Variants in PEMT observed in about 807,000 individuals in gnomAD.
PEMT encodes the protein phospholipid methyltransferase.
A neutral mutation model predicts 27.4 loss-of-function variants in PEMT; 23 were observed. The observed-to-expected ratio is 0.84, with a 90% CI of 0.60 to 1.19. The LOEUF (loss-of-function observed/expected upper bound fraction) is 1.19. PEMT is among the 50% of genes most tolerant of loss of function. The pLI is 0.00. For synonymous variants in PEMT, 137 were observed against 139.1 expected (o/e 0.98, Z 0.11); for missense variants, 307 against 310.1 (o/e 0.99, Z 0.07).
intron 2 of PEMT, among the ~76,000 whole-genome samples, chr17:17,571,841 C>T (rs970190048): frequency 2.0e-5 from 3 of 152,082 alleles, no homozygotes; most frequent in Non-Finnish European, 4.4e-5. Flanking sequence ...TCCCAGTAGC[C>T]GGTGCTCACC....
chr17:17,548,709 T>C (rs1909432517), intron 2 of PEMT, among the ~76,000 whole-genome samples: 1 of 152,238 alleles, frequency 6.6e-6, no homozygotes, highest in South Asian at 2.1e-4. Flanking sequence ...CCACCACGCC[T>C]GGCTAAGTTT....
At chr17:17,571,685 C>T (rs976107594) in intron 2 of PEMT, among the ~76,000 whole-genome samples, 9 of 151,668 alleles carry the variant, frequency 5.9e-5, no homozygotes, top group Non-Finnish European at 7.4e-5. Context: ...GGAGTCCAGA[C>T]TCACACACAG....
chr17:17,522,175 T>C, intron 3 of PEMT, 105 bp downstream of exon 3: 1 of 784,876 alleles, frequency 1.3e-6, no homozygotes, highest in South Asian at 1.6e-5. Context: ...AACCCCTGAG[T>C]GCTCAGACAC....
At chr17:17,591,937 C>G (rs2142774108), upstream of PEMT, 2 of 985,460 alleles carry the variant, frequency 2.0e-6, no homozygotes, top group South Asian at 4.7e-5. Context: ...CCTTTGGTCG[C>G]CGGCTGCCGC....
chr17:17,553,629 G>C (rs1348411538), intron 2 of PEMT, among the ~76,000 whole-genome samples: 1 of 152,164 alleles, frequency 6.6e-6, no homozygotes, highest in African/African-American at 2.4e-5. Flanking sequence ...GCACTAACCT[G>C]ACCCAGCACC....
chr17:17,591,051 C>T (rs1280946258), intron 1 of PEMT, among the ~76,000 whole-genome samples: 8 of 152,186 alleles, frequency 5.3e-5, no homozygotes, highest in African/African-American at 1.9e-4. Context: ...CCTCCTGACC[C>T]TGGGGGATGG....
chr17:17,522,526 G>C, intron 2 of PEMT, 131 bp from the exon 3 acceptor site: 1 of 660,122 alleles, frequency 1.5e-6, no homozygotes, highest in East Asian at 2.7e-5. Flanking sequence ...AATTACACGG[G>C]AGCAACAACC....
intron 1 of PEMT, among the ~76,000 whole-genome samples, chr17:17,577,737 G>A (rs1911710211): frequency 6.6e-6 from 1 of 152,032 alleles, no homozygotes. Context: ...CACTAGGTCG[G>A]CCGGGCGCGG....
intron 2 of PEMT, among the ~76,000 whole-genome samples, chr17:17,552,589 T>G (rs1281921631): frequency 6.6e-6 from 1 of 152,086 alleles, no homozygotes; most frequent in African/African-American, 2.4e-5. Flanking sequence ...GGTTGGGGGG[T>G]GTGGGTGCCA....
intron 2 of PEMT, among the ~76,000 whole-genome samples, chr17:17,552,360 TG>T (rs1909717308): frequency 6.6e-6 from 1 of 151,960 alleles, no homozygotes; most frequent in Non-Finnish European, 1.5e-5. Context: ...TGATGCAAAA[TG>T]GGTTCCTCCC....
chr17:17,576,147 G>A (rs1383463441), intron 2 of PEMT, among the ~76,000 whole-genome samples: 1 of 152,028 alleles, frequency 6.6e-6, no homozygotes, highest in Non-Finnish European at 1.5e-5. Context: ...ACCCCCCAGA[G>A]ACAGCCTTGG....
chr17:17,592,014 G>A (rs112037260), upstream of PEMT: 56 of 985,352 alleles, frequency 5.7e-5, no homozygotes, highest in South Asian at 9.4e-5. Context: ...GAGGCCGGGG[G>A]CCGCGGGTCG....
chr17:17,524,017 A>T (rs1340646559), intron 2 of PEMT, among the ~76,000 whole-genome samples: 1 of 151,972 alleles, frequency 6.6e-6, no homozygotes, highest in Non-Finnish European at 1.5e-5. Flanking sequence ...CACACACTAC[A>T]TGGTCTTTTG....
At chr17:17,547,960 AAC>A (rs1909374981) in intron 2 of PEMT, among the ~76,000 whole-genome samples, 1 of 152,232 alleles carries the variant, frequency 6.6e-6, no homozygotes, top group Non-Finnish European at 1.5e-5. Flanking sequence ...AAAATTGGAA[AAC>A]ACAGAGAACG....
chr17:17,547,127 A>G (rs1380611228), intron 2 of PEMT, among the ~76,000 whole-genome samples: 1 of 152,264 alleles, frequency 6.6e-6, no homozygotes, highest in African/African-American at 2.4e-5. Flanking sequence ...TAATTAATTC[A>G]ATCAGAAATA....
At chr17:17,574,111 G>T (rs1006994157) in intron 2 of PEMT, among the ~76,000 whole-genome samples, 1 of 151,808 alleles carries the variant, frequency 6.6e-6, no homozygotes, top group East Asian at 1.9e-4. Flanking sequence ...AGCAGCCCAC[G>T]GAACTGCAAC....
chr17:17,574,874 T>G (rs1003247064), intron 2 of PEMT, among the ~76,000 whole-genome samples: 1 of 152,176 alleles, frequency 6.6e-6, no homozygotes, highest in Non-Finnish European at 1.5e-5. Flanking sequence ...AGGGACCTCC[T>G]CCGGCTGTAA....
chr17:17,583,031 C>G (rs1912059458), intron 1 of PEMT, among the ~76,000 whole-genome samples: 2 of 150,516 alleles, frequency 1.3e-5, no homozygotes. Flanking sequence ...CACTGCACTC[C>G]AGCCTGGATG....
chr17:17,542,950 G>C (rs1177285055), intron 2 of PEMT, among the ~76,000 whole-genome samples: 1 of 152,220 alleles, frequency 6.6e-6, no homozygotes, highest in Admixed American at 6.5e-5. Context: ...GCTGGAAGGG[G>C]CATGGGGACA....
Sources: allele counts gnomAD v4.1 joint callset (sites outside exome capture counted in the v4.1 genomes callset), GRCh38; gene constraint gnomAD v4.1.1; transcripts MANE v1.5; gene names NCBI Gene and HGNC (gene_info 2026-07-23, HGNC 2026-07-21).